PPFIA2: variants seen among roughly 807,000 people sequenced by gnomAD.
The protein encoded by PPFIA2 is PPFI scaffold protein A2, also known as liprin-alpha-2.
PPFIA2 carries 46 observed loss-of-function variants against 175.5 expected under a neutral mutation model. The observed-to-expected ratio is 0.26, with a 90% CI of 0.21 to 0.34. The LOEUF (loss-of-function observed/expected upper bound fraction) is 0.34. Among genes scored for constraint, PPFIA2 ranks in the 10% least tolerant of loss-of-function variants. The pLI is 1.00. For synonymous variants in PPFIA2, 568 were observed against 511.4 expected (o/e 1.11, Z -1.49); for missense variants, 1,179 against 1,506.1 (o/e 0.78, Z 3.60).
At chr12:81,633,266 C>A (rs1220620119) in intron 4 of PPFIA2, among the ~76,000 whole-genome samples, 11 of 151,862 alleles carry the variant, frequency 7.2e-5, no homozygotes. Context: ...CTTTCTTATC[C>A]AAAAGATACA....
At chr12:81,594,844 C>T (rs2059072224) in intron 4 of PPFIA2, among the ~76,000 whole-genome samples, 1 of 152,032 alleles carries the variant, frequency 6.6e-6, no homozygotes, top group Non-Finnish European at 1.5e-5. Flanking sequence ...GCCTGGGAGG[C>T]TGAGGCTGCA....
rs1002586760 is a variant in PPFIA2, at chr12:81,358,284, T to C, written c.1638-67A>G. ...TTAAACTTACCAGGAAATTACTATC[T>C]GCTGTTTTACTGGCAATAAAGCAGA... On this transcript the variant is annotated intron_variant, in intron 15 of 32. Coordinates refer to ENST00000549396, the MANE Select transcript of PPFIA2 (RefSeq NM_003625.5). 3 of 1,436,144 alleles carry C rather than the reference T, an allele frequency of 2.1e-6. No individual in the cohort carries two copies. The African/African-American group carries it at 4.3e-5, about 21-fold the overall frequency. The allele number at this position is 1,436,144 out of a possible 1,614,324, so 89.0% of individuals were successfully genotyped here.
At chr12:81,339,079 G>A (rs375048983) in intron 21 of PPFIA2, 101 bp downstream of exon 21, 1 of 1,118,114 alleles carries the variant, frequency 8.9e-7, no homozygotes, top group Non-Finnish European at 1.2e-6. Context: ...GAAAAGAGAA[G>A]AAATGAAAAG....
intron 10 of PPFIA2, 81 bp downstream of exon 10, chr12:81,375,715 G>A (rs2036211301): frequency 7.3e-7 from 1 of 1,370,408 alleles, no homozygotes. Context: ...CTGTCAAGAA[G>A]TACCCTATTT....
chr12:81,717,882 A>C (rs934068881), intron 3 of PPFIA2, among the ~76,000 whole-genome samples: 10 of 151,606 alleles, frequency 6.6e-5, no homozygotes, highest in Non-Finnish European at 1.5e-4. Context: ...AAACCTAAAC[A>C]AGAATATGGA....
At chr12:81,350,001 TA>T (rs2059742610) in intron 17 of PPFIA2, among the ~76,000 whole-genome samples, 1 of 152,198 alleles carries the variant, frequency 6.6e-6, no homozygotes, top group African/African-American at 2.4e-5. Context: ...AAATGTGATA[TA>T]ATCTCATTTC....
intron 14 of PPFIA2, among the ~76,000 whole-genome samples, chr12:81,365,888 C>T (rs1006203963): frequency 1.3e-5 from 2 of 151,720 alleles, no homozygotes; most frequent in Non-Finnish European, 2.9e-5. Context: ...ATGCAGCATC[C>T]AGTAGGGTTA....
chr12:81,407,001 G>T (rs994471720), intron 7 of PPFIA2, among the ~76,000 whole-genome samples: 5 of 152,102 alleles, frequency 3.3e-5, no homozygotes, highest in Non-Finnish European at 7.4e-5. Context: ...CTAGCTATAT[G>T]ATCTCTGGTA....
Position 81,332,306 on chromosome 12 carries a change from C to A in PPFIA2, c.2549-6436G>T, listed in dbSNP as rs116896168. 7.2e-5 allele frequency among the ~76,000 whole-genome samples: 11 copies of A among 152,114 alleles called. No individual in the cohort carries two copies. In the East Asian group the frequency reaches 2.1e-3, roughly 29 times the overall value. On this transcript the variant is annotated intron_variant, in intron 21 of 32. Transcript: ENST00000549396. Reference sequence around the variant, plus strand: ...CATAAGCTGGCATCACACTTCTGACCCAGCCAGTACCCACTTCCTATTTAA... The same window carrying A: ...CATAAGCTGGCATCACACTTCTGACACAGCCAGTACCCACTTCCTATTTAA...
At chr12:81,642,448 T>C (rs2065098567) in intron 4 of PPFIA2, among the ~76,000 whole-genome samples, 1 of 151,178 alleles carries the variant, frequency 6.6e-6, no homozygotes, top group Non-Finnish European at 1.5e-5. Context: ...ATAATGTTAA[T>C]AAAAACTGAA....
intron 4 of PPFIA2, among the ~76,000 whole-genome samples, chr12:81,574,883 T>C (rs1489426425): frequency 1.3e-5 from 2 of 151,770 alleles, no homozygotes; most frequent in African/African-American, 4.8e-5. Flanking sequence ...AGATAACATG[T>C]AACCAAAAAG....
At chr12:81,387,727 T>C (rs2039294429) in intron 8 of PPFIA2, among the ~76,000 whole-genome samples, 1 of 152,162 alleles carries the variant, frequency 6.6e-6, no homozygotes, top group Admixed American at 6.5e-5. Context: ...TCAGTTATCA[T>C]ACCTCAGTTA....
intron 4 of PPFIA2, among the ~76,000 whole-genome samples, chr12:81,510,819 T>C (rs2061696546): frequency 6.6e-6 from 1 of 152,052 alleles, no homozygotes; most frequent in African/African-American, 2.4e-5. Flanking sequence ...AAACAAAATA[T>C]TCATGACTAA....
chr12:81,373,564 A>G (rs1194020776), intron 11 of PPFIA2, among the ~76,000 whole-genome samples: 1 of 151,976 alleles, frequency 6.6e-6, no homozygotes, highest in African/African-American at 2.4e-5. Flanking sequence ...CCAACTAGTT[A>G]CTCCAACACT....
intron 30 of PPFIA2, among the ~76,000 whole-genome samples, chr12:81,266,292 A>G (rs1365389169): frequency 1.3e-5 from 2 of 152,208 alleles, no homozygotes; most frequent in Admixed American, 6.5e-5. Flanking sequence ...AGAAAAACTC[A>G]GAAAGACTAT....
intron 4 of PPFIA2, among the ~76,000 whole-genome samples, chr12:81,517,450 A>G (rs555903532): frequency 2.0e-5 from 3 of 152,144 alleles, no homozygotes; most frequent in African/African-American, 7.2e-5. Flanking sequence ...CATTCCACAC[A>G]CTTCTCAAGA....
At position 81,325,821 on chromosome 12, in the gene PPFIA2, G is replaced by A. The variant is rs2139799141; in HGVS notation, c.2598C>T (p.Gly866=). ...CCTTCTCAGCTTGAGTTCCGAGTTTGCCTAACCCCAGGGACTCCTGAGCTG... is the reference window on the plus strand; with the variant it reads ...CCTTCTCAGCTTGAGTTCCGAGTTTACCTAACCCCAGGGACTCCTGAGCTG... ...EAAAQESLGL[G]KLGTQAEKDR... Residue 866 remains glycine, a synonymous_variant, in exon 22 of 33, where the codon GGC becomes GGT. Transcript: ENST00000549396. 1 of 1,612,770 alleles carries A rather than the reference G, an allele frequency of 6.2e-7. No homozygotes were observed. Among genetic ancestry groups the A allele is most frequent in the East Asian group, 2.2e-5 (1 of 44,834 alleles).
chr12:81,664,865 G>T (rs1455764378), intron 4 of PPFIA2, among the ~76,000 whole-genome samples: 3 of 151,970 alleles, frequency 2.0e-5, no homozygotes, highest in Non-Finnish European at 2.9e-5. Context: ...CCATAAAAAA[G>T]GATGAGTTAA....
intron 4 of PPFIA2, among the ~76,000 whole-genome samples, chr12:81,565,297 A>G (rs1363867855): frequency 9.9e-5 from 15 of 152,114 alleles, no homozygotes; most frequent in Admixed American, 9.8e-4. Context: ...GTTTGCTTCT[A>G]GACCTATAAC....
Sources: allele counts gnomAD v4.1 joint callset (sites outside exome capture counted in the v4.1 genomes callset), GRCh38; gene constraint gnomAD v4.1.1; transcripts MANE v1.5; gene names NCBI Gene and HGNC (gene_info 2026-07-23, HGNC 2026-07-21).